The following DUSP22 variants were observed in gnomAD, a reference collection of about 807,000 sequenced individuals.
DUSP22 encodes dual specificity protein phosphatase 22.
DUSP22 carries 24 observed loss-of-function variants against 24.5 expected under a neutral mutation model. The observed-to-expected ratio is 0.98, with a 90% CI of 0.71 to 1.38. The LOEUF (loss-of-function observed/expected upper bound fraction) is 1.38, where lower values mean the gene tolerates loss of function less well. Among genes scored for constraint, DUSP22 ranks in the 40% most tolerant of loss-of-function variants. DUSP22 has a pLI of 0.00. For missense variants in DUSP22, 330 were observed against 269.2 expected, an observed-to-expected ratio of 1.23 and a Z score of -1.58; for synonymous variants, 160 against 106.4, an observed-to-expected ratio of 1.50 and a Z score of -3.10.
At chr6:334,699 CTTG>C (rs1309255268) in intron 3 of DUSP22, among the ~76,000 whole-genome samples, 2 of 152,410 alleles carry the variant, frequency 1.3e-5, no homozygotes, top group South Asian at 4.1e-4. Context: ...AGTTTTCACT[CTTG>C]TTAAGGTTTT....
chr6:297,061 G>C (rs1057364052), intron 1 of DUSP22, among the ~76,000 whole-genome samples: 1 of 152,302 alleles, frequency 6.6e-6, no homozygotes, highest in Non-Finnish European at 1.5e-5. Context: ...CTGTTGCTAA[G>C]AGGGGCTGGC....
chr6:296,601 C>T (rs1757340285), intron 1 of DUSP22, among the ~76,000 whole-genome samples: 2 of 152,372 alleles, frequency 1.3e-5, no homozygotes, highest in Non-Finnish European at 2.9e-5. Flanking sequence ...TCTGAACCCT[C>T]AAATCTTTTG....
intron 3 of DUSP22, among the ~76,000 whole-genome samples, chr6:330,569 G>A (rs940187271): frequency 4.6e-5 from 7 of 152,304 alleles, no homozygotes; most frequent in Admixed American, 1.3e-4. Context: ...CCTCCGTATC[G>A]TTTTAAGTGT....
intron 1 of DUSP22, among the ~76,000 whole-genome samples, chr6:297,050 A>G (rs1469345233): frequency 6.6e-6 from 1 of 152,296 alleles, no homozygotes; most frequent in Non-Finnish European, 1.5e-5. Context: ...TGGGGAGCGC[A>G]CTGTTGCTAA....
chr6:301,990 A>G (rs932451785), intron 1 of DUSP22, among the ~76,000 whole-genome samples: 2 of 152,424 alleles, frequency 1.3e-5, no homozygotes, highest in South Asian at 4.1e-4. Flanking sequence ...AAAAAAAGCA[A>G]AAATGGGCCA....
At position 349,880 on chromosome 6, in the gene DUSP22, A is replaced by AC; in HGVS notation, c.*934dup. The AC allele has an allele frequency of 2.0e-6, 2 of 985,350 alleles. No individual in the cohort carries two copies. The highest frequency in any genetic ancestry group is 2.4e-6 in the Non-Finnish European group (2 of 829,994). The allele number at this position is 985,350 out of a possible 1,614,324, so 61.0% of individuals were successfully genotyped here. On this transcript the variant is annotated 3_prime_UTR_variant, in exon 7 of 7. Coordinates refer to ENST00000419235, the MANE Select transcript of DUSP22 (RefSeq NM_001286555.3). ...TAGCCTAAGTTGGGTGCCCCAGGGCACCCCCTCCTCTCTGCTCCTTGCCAG... is the reference window on the plus strand; with the variant it reads ...TAGCCTAAGTTGGGTGCCCCAGGGCACCCCCCTCCTCTCTGCTCCTTGCCAG...
At chr6:347,578 G>T (rs1418101191) in intron 5 of DUSP22, among the ~76,000 whole-genome samples, 2 of 152,310 alleles carry the variant, frequency 1.3e-5, no homozygotes, top group East Asian at 3.8e-4. Flanking sequence ...TCTGTACTCT[G>T]CATATTTATG....
At chr6:300,452 C>T (rs565281656) in intron 1 of DUSP22, among the ~76,000 whole-genome samples, 66 of 152,398 alleles carry the variant, frequency 4.3e-4, no homozygotes, top group Middle Eastern at 6.8e-3. Flanking sequence ...GGAGGGACCA[C>T]TCAGTCTGGA....
chr6:300,405 A>G (rs934762232), intron 1 of DUSP22, among the ~76,000 whole-genome samples: 3 of 152,414 alleles, frequency 2.0e-5, no homozygotes, highest in East Asian at 3.9e-4. Flanking sequence ...GAGTCACACA[A>G]TCAACTTTGC....
At chr6:303,123 A>G (rs1019072087) in intron 1 of DUSP22, among the ~76,000 whole-genome samples, 1 of 152,422 alleles carries the variant, frequency 6.6e-6, no homozygotes, top group African/African-American at 2.4e-5. Context: ...GCCACATCCT[A>G]AAAAAGGCAG....
intron 4 of DUSP22, among the ~76,000 whole-genome samples, chr6:335,881 T>C (rs560781718): frequency 1.7e-3 from 261 of 152,306 alleles, no homozygotes; most frequent in African/African-American, 5.5e-3. Context: ...GAAAGTCCAG[T>C]CCTCTATTTC....
intron 3 of DUSP22, among the ~76,000 whole-genome samples, chr6:314,001 C>T (rs969083922): frequency 1.4e-4 from 21 of 152,300 alleles, no homozygotes; most frequent in East Asian, 9.6e-4. Flanking sequence ...TGTGTCCTCA[C>T]GCAGCCTGAG....
chr6:342,815 T>C (rs1420957074), intron 4 of DUSP22, among the ~76,000 whole-genome samples: 1 of 152,308 alleles, frequency 6.6e-6, no homozygotes, highest in Non-Finnish European at 1.5e-5. Context: ...AGCCTTTCCA[T>C]TGCTTCAACA....
At chr6:312,109 T>C in intron 3 of DUSP22, 147 bp downstream of exon 3, 4 of 920,290 alleles carry the variant, frequency 4.3e-6, no homozygotes, top group Non-Finnish European at 6.4e-6. Flanking sequence ...TCAGGCCGTG[T>C]TGATGTTAAC....
chr6:301,830 G>A (rs1009646096), intron 1 of DUSP22, among the ~76,000 whole-genome samples: 1 of 152,290 alleles, frequency 6.6e-6, no homozygotes, highest in Admixed American at 6.5e-5. Flanking sequence ...AGCAAGCCGG[G>A]CTCCAGACGA....
intron 3 of DUSP22, among the ~76,000 whole-genome samples, chr6:328,066 GAT>G (rs1308502297): frequency 1.3e-5 from 2 of 152,306 alleles, no homozygotes; most frequent in African/African-American, 4.8e-5. Flanking sequence ...TTTCCCTGGT[GAT>G]ACGTACAGAG....
At chr6:308,347 G>C (rs1170466032) in intron 2 of DUSP22, among the ~76,000 whole-genome samples, 1 of 152,304 alleles carries the variant, frequency 6.6e-6, no homozygotes, top group African/African-American at 2.4e-5. Context: ...CATGATTGTA[G>C]GTCGCCTTCC....
intron 1 of DUSP22, among the ~76,000 whole-genome samples, chr6:296,656 T>C (rs1353910622): frequency 1.3e-5 from 2 of 152,308 alleles, no homozygotes; most frequent in Non-Finnish European, 2.9e-5. Context: ...TGTCTACTTA[T>C]TAGTCTTCAG....
At chr6:335,753 C>T (rs955563701) in intron 4 of DUSP22, among the ~76,000 whole-genome samples, 16 of 152,418 alleles carry the variant, frequency 1.0e-4, no homozygotes, top group East Asian at 7.7e-4. Context: ...GGCACATCTC[C>T]GTTCAGACCA....
Sources: allele counts gnomAD v4.1 joint callset (sites outside exome capture counted in the v4.1 genomes callset), GRCh38; gene constraint gnomAD v4.1.1; transcripts MANE v1.5; gene names NCBI Gene and HGNC (gene_info 2026-07-23, HGNC 2026-07-21).